ZNF385D: variants seen among roughly 807,000 people sequenced by gnomAD.
ZNF385D encodes the protein zinc finger protein 385D, also known as zinc finger protein 659.
In ZNF385D, 15 loss-of-function variants were observed where a neutral mutation model predicts 35.8. The observed-to-expected ratio is 0.42, with a 90% confidence interval of 0.28 to 0.64. The LOEUF is 0.64. Among genes scored for constraint, ZNF385D ranks in the 30% least tolerant of loss-of-function variants. The pLI, the probability that ZNF385D is intolerant of heterozygous loss-of-function variation, is 0.23. For missense variants in ZNF385D, 474 were observed against 494.6 expected (o/e 0.96, Z 0.39); for synonymous variants, 212 against 186.8 (o/e 1.13, Z -1.10).
intron 3 of ZNF385D, among the ~76,000 whole-genome samples, chr3:21,535,591 T>A (rs2062017722): frequency 6.6e-6 from 1 of 152,134 alleles, no homozygotes; most frequent in Non-Finnish European, 1.5e-5. Context: ...AAGAGGAAAT[T>A]GCTCTCATGA....
intron 2 of ZNF385D, among the ~76,000 whole-genome samples, chr3:21,640,676 C>A (rs1487168537): frequency 6.6e-6 from 1 of 152,126 alleles, no homozygotes; most frequent in Non-Finnish European, 1.5e-5. Context: ...TAACCTTAGG[C>A]TTTTAAGCCT....
intron 3 of ZNF385D, among the ~76,000 whole-genome samples, chr3:22,021,948 G>T (rs1398313502): frequency 1.3e-5 from 2 of 151,998 alleles, no homozygotes; most frequent in Admixed American, 6.6e-5. Context: ...GTTCTCACTT[G>T]TTCTGGAAAA....
intron 3 of ZNF385D, among the ~76,000 whole-genome samples, chr3:21,977,940 A>G (rs1703738347): frequency 6.6e-6 from 1 of 152,186 alleles, no homozygotes; most frequent in Non-Finnish European, 1.5e-5. Flanking sequence ...ACACTGCCCC[A>G]CCAATTCTCT....
chr3:21,625,539 G>A (rs923392969), intron 2 of ZNF385D, among the ~76,000 whole-genome samples: 5 of 152,014 alleles, frequency 3.3e-5, no homozygotes, highest in Non-Finnish European at 5.9e-5. Context: ...AAAAATGAAT[G>A]ACTCAAGAGA....
chr3:22,371,336 C>T (rs1696895432), intron 2 of ZNF385D, among the ~76,000 whole-genome samples: 1 of 152,194 alleles, frequency 6.6e-6, no homozygotes, highest in Non-Finnish European at 1.5e-5. Context: ...GATTTCCCCA[C>T]CATATTCCGG....
chr3:22,283,573 T>C (rs1418159365), intron 2 of ZNF385D, among the ~76,000 whole-genome samples: 4 of 152,140 alleles, frequency 2.6e-5, no homozygotes, highest in Non-Finnish European at 5.9e-5. Context: ...ATCCAGAATA[T>C]ATAAAGCTGA....
intron 1 of ZNF385D, among the ~76,000 whole-genome samples, chr3:21,715,919 A>G (rs1285796732): frequency 6.6e-6 from 1 of 152,168 alleles, no homozygotes; most frequent in African/African-American, 2.4e-5. Flanking sequence ...TGCATGTCCA[A>G]AACCAAACTC....
intron 3 of ZNF385D, among the ~76,000 whole-genome samples, chr3:22,007,177 C>T (rs531769765): frequency 6.6e-6 from 1 of 152,302 alleles, no homozygotes; most frequent in South Asian, 2.1e-4. Context: ...TTCATCCATA[C>T]CTATTAATAA....
rs117195690 is a variant in ZNF385D, at chr3:21,926,115, C to A, written c.325+242702G>T. Among the ~76,000 whole-genome samples, 30 of 151,256 alleles carry A rather than the reference C, an allele frequency of 2.0e-4. No individual in the cohort carries two copies. The East Asian group carries it at 5.5e-3, about 28-fold the overall frequency. On this transcript the variant is annotated intron_variant, in intron 3 of 5. Transcript: ENST00000494108. ...TGCAATTAATGTAAAACCCTTGATG[C>A]AGTTTGGATATTTGCCCTCTCCAAT...
intron 4 of ZNF385D, among the ~76,000 whole-genome samples, chr3:21,477,256 A>T (rs1704313941): frequency 2.6e-5 from 4 of 152,036 alleles, no homozygotes; most frequent in Middle Eastern, 3.4e-3. Context: ...AAAACTAAAC[A>T]AAACAAACAA....
At chr3:21,834,781 G>GGT (rs568435458) in intron 3 of ZNF385D, among the ~76,000 whole-genome samples, 4,776 of 68,300 alleles carry the variant, frequency 0.07, 107 homozygotes, top group African/African-American at 0.13. Flanking sequence ...GGATCTTGGG[G>GGT]CAGTTCCCCC....
At position 21,770,423 on chromosome 3, in the gene ZNF385D, G is replaced by A. The variant is rs546033100; in HGVS notation, c.326-105395C>T. Among the ~76,000 whole-genome samples the A allele has an allele frequency of 6.7e-4, 102 of 152,200 alleles. 1 individual carries two copies. In the Middle Eastern group the frequency reaches 0.02, roughly 30 times the overall value. ...AACAAGGAACCCCATCAAAAAGTGGGCAAAGTATATGAACAGACACTTCTC... is the reference window on the plus strand; with the variant it reads ...AACAAGGAACCCCATCAAAAAGTGGACAAAGTATATGAACAGACACTTCTC... On this transcript the variant is annotated intron_variant, in intron 3 of 5. Coordinates refer to the ZNF385D transcript ENST00000494108.
At chr3:21,502,088 G>A (rs889340281) in intron 4 of ZNF385D, among the ~76,000 whole-genome samples, 1 of 152,112 alleles carries the variant, frequency 6.6e-6, no homozygotes, top group Non-Finnish European at 1.5e-5. Context: ...TAAGGCAACT[G>A]GGGAACAGCA....
At chr3:21,626,313 G>A (rs1326678997) in intron 2 of ZNF385D, among the ~76,000 whole-genome samples, 1 of 152,068 alleles carries the variant, frequency 6.6e-6, no homozygotes, top group African/African-American at 2.4e-5. Flanking sequence ...AGCTGCTACT[G>A]TGCCAGAAAC....
intron 3 of ZNF385D, among the ~76,000 whole-genome samples, chr3:22,118,800 T>C (rs1702939110): frequency 6.6e-6 from 1 of 152,186 alleles, no homozygotes; most frequent in Non-Finnish European, 1.5e-5. Context: ...GAACATGATG[T>C]AAGCACTATT....
chr3:21,913,862 T>A (rs1700075727), intron 3 of ZNF385D, among the ~76,000 whole-genome samples: 1 of 152,108 alleles, frequency 6.6e-6, no homozygotes, highest in South Asian at 2.1e-4. Flanking sequence ...GATTTCCTCA[T>A]CAGTAGTTGT....
chr3:21,859,745 A>T (rs1167235776), intron 3 of ZNF385D, among the ~76,000 whole-genome samples: 3 of 151,048 alleles, frequency 2.0e-5, no homozygotes, highest in African/African-American at 7.3e-5. Flanking sequence ...AAAATGTTTT[A>T]ATCCTTATGT....
chr3:21,943,772 T>C (rs939775901), intron 3 of ZNF385D, among the ~76,000 whole-genome samples: 1 of 152,168 alleles, frequency 6.6e-6, no homozygotes, highest in African/African-American at 2.4e-5. Flanking sequence ...AGATACTACA[T>C]GAACAGTAAT....
At chr3:22,117,891 G>A (rs747176175) in intron 3 of ZNF385D, among the ~76,000 whole-genome samples, 9 of 152,008 alleles carry the variant, frequency 5.9e-5, no homozygotes, top group East Asian at 1.9e-4. Flanking sequence ...TTTTAAAAAC[G>A]TAATTTCATG....
Sources: allele counts gnomAD v4.1 joint callset (sites outside exome capture counted in the v4.1 genomes callset), GRCh38; gene constraint gnomAD v4.1.1; transcripts MANE v1.5; gene names NCBI Gene and HGNC (gene_info 2026-07-23, HGNC 2026-07-21).